Variants in CCSER1 observed in about 807,000 individuals in gnomAD.
The protein encoded by CCSER1 is serine-rich coiled-coil domain-containing protein 1.
A neutral mutation model predicts 82.0 loss-of-function variants in CCSER1; 41 were observed. That is an observed-to-expected ratio of 0.50 (90% CI 0.39 to 0.65). CCSER1 has a LOEUF of 0.65. Ranked by LOEUF, CCSER1 falls within the 30% of genes least tolerant of loss-of-function variation. The pLI is 0.00. For synonymous variants in CCSER1, 414 were observed against 383.9 expected, an observed-to-expected ratio of 1.08 and a Z score of -0.92; for missense variants, 1,119 against 1,064.2, an observed-to-expected ratio of 1.05 and a Z score of -0.72.
At chr4:91,223,330 A>G (rs1737898738) in intron 10 of CCSER1, among the ~76,000 whole-genome samples, 1 of 152,152 alleles carries the variant, frequency 6.6e-6, no homozygotes, top group African/African-American at 2.4e-5. Context: ...CATCGTCAAA[A>G]CACATAAACA....
At chr4:90,441,099 T>C (rs2153572675) in intron 4 of CCSER1, among the ~76,000 whole-genome samples, 1 of 152,306 alleles carries the variant, frequency 6.6e-6, no homozygotes, top group Middle Eastern at 3.4e-3. Context: ...AAGAGATGGT[T>C]TGAAATTTTT....
At chr4:91,059,833 T>G (rs998328582) in intron 9 of CCSER1, among the ~76,000 whole-genome samples, 3 of 152,080 alleles carry the variant, frequency 2.0e-5, no homozygotes, top group African/African-American at 7.2e-5. Context: ...CATGTTTGTA[T>G]GCTTTGGGGC....
chr4:90,906,138 C>T (rs184645755), intron 8 of CCSER1, among the ~76,000 whole-genome samples: 1 of 152,226 alleles, frequency 6.6e-6, no homozygotes, highest in African/African-American at 2.4e-5. Flanking sequence ...TGAGTAATTC[C>T]TCTAGTCACG....
At chr4:90,613,771 C>A (rs1579478107) in intron 5 of CCSER1, among the ~76,000 whole-genome samples, 1 of 152,060 alleles carries the variant, frequency 6.6e-6, no homozygotes, top group African/African-American at 2.4e-5. Context: ...GTGATTTCTT[C>A]CTGTGCAGGA....
At chr4:90,911,173 T>C (rs1330768371) in intron 8 of CCSER1, 1 of 414,342 alleles carries the variant, frequency 2.4e-6, no homozygotes, top group Non-Finnish European at 4.7e-6. Flanking sequence ...AGAGTTCTTT[T>C]TATAAGTCTC....
intron 1 of CCSER1, among the ~76,000 whole-genome samples, chr4:90,233,340 G>A (rs539094626): frequency 2.0e-5 from 3 of 152,154 alleles, no homozygotes; most frequent in Admixed American, 1.3e-4. Context: ...GGATGAAATT[G>A]GAAATCATCA....
At chr4:91,321,449 G>C (rs1746188616) in intron 10 of CCSER1, among the ~76,000 whole-genome samples, 1 of 152,034 alleles carries the variant, frequency 6.6e-6, no homozygotes, top group South Asian at 2.1e-4. Context: ...TTCCAAAAAG[G>C]TGCCGATTGC....
intron 3 of CCSER1, among the ~76,000 whole-genome samples, chr4:90,380,622 G>T (rs1244487253): frequency 6.6e-6 from 1 of 152,108 alleles, no homozygotes; most frequent in African/African-American, 2.4e-5. Flanking sequence ...TTGTAAATTT[G>T]CCTTCTTTGT....
chr4:91,181,515 G>A (rs1183252138), intron 10 of CCSER1, among the ~76,000 whole-genome samples: 2 of 152,096 alleles, frequency 1.3e-5, no homozygotes, highest in Non-Finnish European at 2.9e-5. Context: ...TATCATTTGA[G>A]GTTGAGGTGC....
intron 9 of CCSER1, among the ~76,000 whole-genome samples, chr4:91,081,035 G>A (rs558776551): frequency 2.0e-5 from 3 of 152,108 alleles, no homozygotes; most frequent in Non-Finnish European, 2.9e-5. Context: ...AGAAAAAGAG[G>A]GAATCCTCCC....
chr4:91,349,173 C>T (rs1457770312), intron 10 of CCSER1, among the ~76,000 whole-genome samples: 1 of 152,146 alleles, frequency 6.6e-6, no homozygotes, highest in Non-Finnish European at 1.5e-5. Context: ...TCCCAAAGTG[C>T]TGGGATTACA....
intron 1 of CCSER1, among the ~76,000 whole-genome samples, chr4:90,151,131 A>C (rs1726760593): frequency 6.6e-6 from 1 of 152,108 alleles, no homozygotes; most frequent in Non-Finnish European, 1.5e-5. Flanking sequence ...CCTATCACTG[A>C]ATAATGAAAA....
At chr4:90,932,982 G>GAGAGAGAGAGAGAGAGAA (rs1730228082) in intron 9 of CCSER1, among the ~76,000 whole-genome samples, 1 of 18,856 alleles carries the variant, frequency 5.3e-5, no homozygotes, top group Non-Finnish European at 9.4e-5. Flanking sequence ...AAGAAAGAAA[G>GAGAGAGAGAGAGAGAGAA]AGAAAGAAAG....
intron 9 of CCSER1, among the ~76,000 whole-genome samples, chr4:90,926,933 G>GT (rs1325915359): frequency 1.3e-5 from 2 of 151,942 alleles, no homozygotes; most frequent in East Asian, 1.9e-4. Flanking sequence ...GGGTAGGGAA[G>GT]TTTTTTATCT....
chr4:91,029,836 A>G (rs748387956), intron 9 of CCSER1, among the ~76,000 whole-genome samples: 3 of 152,104 alleles, frequency 2.0e-5, no homozygotes, highest in Non-Finnish European at 4.4e-5. Context: ...ATTTAAATGG[A>G]TAAGTCTCTA....
chr4:90,194,050 G>A (rs760802713), intron 1 of CCSER1, among the ~76,000 whole-genome samples: 31 of 152,034 alleles, frequency 2.0e-4, no homozygotes, highest in Middle Eastern at 3.2e-3. Flanking sequence ...AATTTGGCTT[G>A]TCTTTGTAGG....
Position 91,248,190 on chromosome 4 carries a change from T to C in CCSER1, c.2217+162196T>C, listed in dbSNP as rs1268997243. ...CCAAAGTATAAGATAAATACCCACA[T>C]ATGCACTCATATATAAAGGAATAAA... On this transcript the variant is annotated intron_variant, in intron 10 of 10. Coordinates refer to ENST00000509176, the MANE Select transcript of CCSER1 (RefSeq NM_001145065.2). Among the ~76,000 whole-genome samples the C allele has an allele frequency of 2.0e-5, 3 of 152,148 alleles. No homozygotes were observed. In the East Asian group the frequency reaches 5.8e-4, roughly 29 times the overall value.
At chr4:91,304,272 C>CA (rs1205946967) in intron 10 of CCSER1, among the ~76,000 whole-genome samples, 10 of 151,706 alleles carry the variant, frequency 6.6e-5, no homozygotes, top group Non-Finnish European at 1.3e-4. Flanking sequence ...AACAAAACCA[C>CA]AAAAAAATCT....
chr4:90,658,036 G>A (rs779033685), intron 6 of CCSER1, among the ~76,000 whole-genome samples: 3 of 152,126 alleles, frequency 2.0e-5, no homozygotes, highest in African/African-American at 4.8e-5. Context: ...CCCAGGAGGC[G>A]GAGGTTGCAA....
Sources: allele counts gnomAD v4.1 joint callset (sites outside exome capture counted in the v4.1 genomes callset), GRCh38; gene constraint gnomAD v4.1.1; transcripts MANE v1.5; gene names NCBI Gene and HGNC (gene_info 2026-07-23, HGNC 2026-07-21).